PDXDC1: variants seen among roughly 807,000 people sequenced by gnomAD.
PDXDC1 encodes the protein pyridoxal dependent decarboxylase domain containing 1.
In PDXDC1, 42 loss-of-function variants were observed where a neutral mutation model predicts 100.1. The ratio of observed to expected loss-of-function variants is 0.42; its 90% CI spans 0.33 to 0.54. The LOEUF (loss-of-function observed/expected upper bound fraction) is 0.54, where lower values mean the gene tolerates loss of function less well. Among genes scored for constraint, PDXDC1 ranks in the 20% least tolerant of loss-of-function variants. PDXDC1 has a pLI of 0.10. For synonymous variants in PDXDC1, 260 were observed against 371.7 expected, an observed-to-expected ratio of 0.70 and a Z score of 3.46; for missense variants, 636 against 979.2, an observed-to-expected ratio of 0.65 and a Z score of 4.68.
intron 13 of PDXDC1, among the ~76,000 whole-genome samples, chr16:15,023,246 A>C (rs1417810594): frequency 1.3e-5 from 2 of 152,280 alleles, no homozygotes; most frequent in Non-Finnish European, 1.5e-5. Context: ...AATCCAACAG[A>C]TTGTTCCCTA....
chr16:15,092,745 C>T lies in PDXDC1; in HGVS notation c.1400-46134C>T, dbSNP rs538676414. 4.2e-4 allele frequency: 270 copies of T among 645,124 alleles called. 1 individual carries two copies. In the South Asian group the frequency reaches 4.9e-3, roughly 12 times the overall value. The allele number at this position is 645,124 out of a possible 1,614,324, so 40.0% of individuals were successfully genotyped here. On this transcript the variant is annotated intron_variant, in intron 16 of 16. Coordinates refer to the PDXDC1 transcript ENST00000535621. Reference sequence around the variant, plus strand: ...CTCTTTACTGGTCTCCCTGCTTCCACTCTTAACCAACAATCCTTCCTTTGC... The same window carrying T: ...CTCTTTACTGGTCTCCCTGCTTCCATTCTTAACCAACAATCCTTCCTTTGC...
At chr16:15,096,036 C>T (rs1196426781) in intron 16 of PDXDC1, among the ~76,000 whole-genome samples, 4 of 152,070 alleles carry the variant, frequency 2.6e-5, no homozygotes, top group African/African-American at 4.8e-5. Flanking sequence ...TGTGATTGTA[C>T]CCCTGCACTC....
rs532994285 is a variant in PDXDC1, at chr16:15,135,043, G to A, written c.1400-3836G>A. On this transcript the variant is annotated intron_variant, in intron 16 of 16. Transcript: ENST00000535621. ...GCTCTTCCTCACTGTTGGTATTGCT[G>A]GGGGACTGTGTAGCTTTTGTCACTA... 319 of 529,630 alleles carry A rather than the reference G, an allele frequency of 6.0e-4. 2 individuals carry two copies. Among genetic ancestry groups the A allele is most frequent in the African/African-American group, 4.4e-3 (230 of 52,126 alleles). 32.8% of individuals were successfully genotyped at this position (529,630 alleles called of 1,614,324 possible).
At chr16:15,013,874 C>CAAAAAAA (rs58185654) in intron 8 of PDXDC1, among the ~76,000 whole-genome samples, 1 of 135,966 alleles carries the variant, frequency 7.4e-6, no homozygotes, top group Admixed American at 7.7e-5. Flanking sequence ...GTCTCTGTCT[C>CAAAAAAA]AAAAAAAAAA....
chr16:15,032,664 A>AG (rs1445105215), intron 17 of PDXDC1, 197 bp from the exon 18 acceptor site: 1 of 488,936 alleles, frequency 2.0e-6, no homozygotes, highest in African/African-American at 2.0e-5. Context: ...AAAAAAAAAA[A>AG]AAAAAGGCTT....
chr16:15,103,199 C>T lies in PDXDC1; in HGVS notation c.1400-35680C>T, dbSNP rs1451568992. On this transcript the variant is annotated intron_variant, in intron 16 of 16. Coordinates refer to the PDXDC1 transcript ENST00000535621. Reference sequence around the variant, plus strand: ...CCATGGTCCTGGCAAGAGAGGAGGGCCAGGAGAGAGCTTCACCCACCTGCT... The same window carrying T: ...CCATGGTCCTGGCAAGAGAGGAGGGTCAGGAGAGAGCTTCACCCACCTGCT... The T allele has an allele frequency of 1.5e-5, 9 of 584,462 alleles. No individual in the cohort carries two copies. The South Asian group carries it at 1.6e-4, about 10-fold the overall frequency. 36.2% of individuals were successfully genotyped at this position (584,462 alleles called of 1,614,324 possible).
intron 6 of PDXDC1, among the ~76,000 whole-genome samples, chr16:15,008,485 G>A (rs1259846030): frequency 1.3e-5 from 2 of 152,256 alleles, no homozygotes; most frequent in East Asian, 3.9e-4. Context: ...AGTTGTTTCT[G>A]TGTTTGTCAA....
At position 15,092,011 on chromosome 16, in the gene PDXDC1, T is replaced by A. The variant is rs566680021; in HGVS notation, c.1400-46868T>A. On this transcript the variant is annotated intron_variant, in intron 16 of 16. Transcript: ENST00000535621. ...GGCCAACATGGTGAAACCCTGCCTC[T>A]ACTAAAAAAATAAAAAAATTAGCCA... Among the ~76,000 whole-genome samples the A allele has an allele frequency of 3.3e-5, 5 of 152,154 alleles. No homozygotes were observed. The South Asian group carries it at 1.0e-3, about 32-fold the overall frequency.
At position 15,035,704 on chromosome 16, in the gene PDXDC1, T is replaced by G. The variant is rs911414123; in HGVS notation, c.2107+151T>G. On this transcript the variant is annotated intron_variant, in intron 22 of 22. Coordinates refer to ENST00000396410, the MANE Select transcript of PDXDC1 (RefSeq NM_015027.4). ...TTAACCATCTTGGTAGCCGTGGGAT[T>G]CAGCCTTGAAGAAATCCCACGGTAG... 2.2e-5 allele frequency: 13 copies of G among 601,022 alleles called. No homozygotes were observed. In the East Asian group the frequency reaches 3.7e-4, roughly 17 times the overall value. 37.2% of individuals were successfully genotyped at this position (601,022 alleles called of 1,614,324 possible). A position where few individuals can be genotyped will look rare whatever the true frequency, so the allele number is the denominator to read the frequency against.
At chr16:15,003,851 G>A (rs377233484) in intron 4 of PDXDC1, among the ~76,000 whole-genome samples, 5 of 152,348 alleles carry the variant, frequency 3.3e-5, no homozygotes, top group South Asian at 4.1e-4. Context: ...GGGCTTGGTG[G>A]TGCGCGCCTG....
At chr16:14,991,998 G>A (rs1234286317) in intron 1 of PDXDC1, among the ~76,000 whole-genome samples, 1 of 152,294 alleles carries the variant, frequency 6.6e-6, no homozygotes, top group African/African-American at 2.4e-5. Flanking sequence ...CTAAAGAGAA[G>A]TCAAAATTAG....
chr16:14,987,698 GCCTC>G (rs1567618018), intron 1 of PDXDC1, among the ~76,000 whole-genome samples: 1 of 152,278 alleles, frequency 6.6e-6, no homozygotes, highest in Non-Finnish European at 1.5e-5. Flanking sequence ...TGCAGCCTCC[GCCTC>G]CCAGGTTCAA....
intron 16 of PDXDC1, among the ~76,000 whole-genome samples, chr16:15,098,872 T>G (rs1466612713): frequency 6.6e-6 from 1 of 151,266 alleles, no homozygotes; most frequent in East Asian, 2.0e-4. Flanking sequence ...AAACTCCCTC[T>G]CAAAAAAAAA....
At chr16:15,029,092 C>G (rs1386336304) in intron 15 of PDXDC1, 126 bp downstream of exon 15, 1 of 1,098,208 alleles carries the variant, frequency 9.1e-7, no homozygotes, top group Admixed American at 2.0e-5. Context: ...CCTGCCAGTG[C>G]TGGGCCTGCT....
chr16:15,040,800 G>A (rs2043780761), downstream of PDXDC1, among the ~76,000 whole-genome samples: 1 of 152,132 alleles, frequency 6.6e-6, no homozygotes, highest in Admixed American at 6.5e-5. Context: ...CCCAGCTCCT[G>A]GGAAGGGTGG....
chr16:15,086,551 G>C, intron 16 of PDXDC1: 1 of 1,530,920 alleles, frequency 6.5e-7, no homozygotes, highest in Non-Finnish European at 8.8e-7. Context: ...AGAATAGGTT[G>C]GGGGGAAAAG....
chr16:14,998,012 G>A (rs1420501472), intron 2 of PDXDC1, among the ~76,000 whole-genome samples, 186 bp downstream of exon 2: 1 of 152,374 alleles, frequency 6.6e-6, no homozygotes, highest in African/African-American at 2.4e-5. Flanking sequence ...AAATTGAGAG[G>A]AAAGACTTAT....
intron 1 of PDXDC1, among the ~76,000 whole-genome samples, chr16:14,978,981 G>A (rs1265822842): frequency 1.3e-5 from 2 of 152,270 alleles, no homozygotes; most frequent in Non-Finnish European, 2.9e-5. Flanking sequence ...ACACCCAGTT[G>A]TAACAATAAG....
chr16:15,133,968 C>T (rs962361777), intron 16 of PDXDC1: 11 of 1,330,638 alleles, frequency 8.3e-6, no homozygotes, highest in South Asian at 2.5e-5. Flanking sequence ...CTCGCCGTCC[C>T]GCAGCACGCC....
Sources: gnomAD v4.1 joint callset for allele counts (sites outside exome capture counted in the v4.1 genomes callset) on GRCh38, gnomAD v4.1.1 for gene constraint, MANE v1.5 for transcripts, NCBI Gene and HGNC (gene_info 2026-07-23, HGNC 2026-07-21) for gene names.